TENM3: variants seen among roughly 807,000 people sequenced by gnomAD.
TENM3 encodes the protein teneurin transmembrane protein 3.
A neutral mutation model predicts 255.1 loss-of-function variants in TENM3; 63 were observed. The observed-to-expected ratio is 0.25, with a 90% confidence interval of 0.20 to 0.30. The LOEUF is 0.30. TENM3 is among the 10% of genes least tolerant of loss of function. TENM3 has a pLI of 1.00. For synonymous variants in TENM3, 1,306 were observed against 1,322.3 expected, an observed-to-expected ratio of 0.99 and a Z score of 0.27; for missense variants, 2,929 against 3,461.1, an observed-to-expected ratio of 0.85 and a Z score of 3.86.
At chr4:181,813,902 A>G in the TENM3 span, among the ~76,000 whole-genome samples, 2 of 152,154 alleles carry the variant, frequency 1.3e-5, no homozygotes, top group Admixed American at 6.5e-5. Flanking sequence ...CTGCAAAGGA[A>G]TAGAAAATTA....
chr4:181,952,487 A>C, the TENM3 span, among the ~76,000 whole-genome samples: 1 of 152,226 alleles, frequency 6.6e-6, no homozygotes, highest in Non-Finnish European at 1.5e-5. Context: ...TGTTCCAGAG[A>C]GTGGGCTCTT....
intron 3 of TENM3, among the ~76,000 whole-genome samples, chr4:182,353,357 G>A (rs183442950): frequency 9.9e-5 from 15 of 152,128 alleles, no homozygotes; most frequent in African/African-American, 2.2e-4. Flanking sequence ...GCCCTCTTCC[G>A]GCATGTAATG....
chr4:181,473,541 A>C, the TENM3 span, among the ~76,000 whole-genome samples: 1 of 151,956 alleles, frequency 6.6e-6, no homozygotes, highest in Non-Finnish European at 1.5e-5. Context: ...GCAGTGAGCT[A>C]ATGATTGTCC....
intron 3 of TENM3, among the ~76,000 whole-genome samples, chr4:182,596,327 T>A (rs1581051977): frequency 6.6e-6 from 1 of 152,210 alleles, no homozygotes; most frequent in Non-Finnish European, 1.5e-5. Flanking sequence ...TCTGCCCTTG[T>A]GAGGTCCATA....
chr4:181,532,562 G>T, the TENM3 span, among the ~76,000 whole-genome samples: 24 of 152,154 alleles, frequency 1.6e-4, no homozygotes, highest in Non-Finnish European at 2.2e-4. Flanking sequence ...ACAGGTTCTG[G>T]TTGGAGTTAT....
the TENM3 span, among the ~76,000 whole-genome samples, chr4:181,993,933 C>G: frequency 6.6e-6 from 1 of 152,000 alleles, no homozygotes; most frequent in African/African-American, 2.4e-5. Flanking sequence ...ACTTAGAAGA[C>G]TTAGGGGAAA....
chr4:182,441,437 C>A (rs1352973991), intron 3 of TENM3, among the ~76,000 whole-genome samples: 1 of 152,190 alleles, frequency 6.6e-6, no homozygotes, highest in East Asian at 1.9e-4. Context: ...CTGGATTCTT[C>A]ATTTCCATTG....
At chr4:182,505,402 AT>A (rs962042076) in intron 3 of TENM3, among the ~76,000 whole-genome samples, 8 of 152,130 alleles carry the variant, frequency 5.3e-5, no homozygotes, top group Admixed American at 4.6e-4. Context: ...ATTATTATAC[AT>A]TTTTTTAAAG....
the TENM3 span, among the ~76,000 whole-genome samples, chr4:181,849,323 T>C: frequency 6.6e-6 from 1 of 152,204 alleles, no homozygotes. Flanking sequence ...GGCATCTCAG[T>C]TGGACTGTTA....
At chr4:182,113,801 A>G in the TENM3 span, among the ~76,000 whole-genome samples, 21 of 152,188 alleles carry the variant, frequency 1.4e-4, no homozygotes, top group Non-Finnish European at 2.8e-4. Flanking sequence ...ATTAAGAAAC[A>G]TTCAGAAAAC....
At chr4:182,300,485 C>G (rs2150366025) in intron 1 of TENM3, among the ~76,000 whole-genome samples, 1 of 152,308 alleles carries the variant, frequency 6.6e-6, no homozygotes, top group East Asian at 1.9e-4. Flanking sequence ...ACAGGTCTGA[C>G]AGTCGAGTTA....
At chr4:182,217,516 T>C (rs1256424251) in intron 1 of TENM3, among the ~76,000 whole-genome samples, 1 of 152,276 alleles carries the variant, frequency 6.6e-6, no homozygotes, top group East Asian at 1.9e-4. Context: ...CTGACATGCA[T>C]TGAGCGCTTA....
chr4:182,304,252 G>C (rs2150383320), intron 1 of TENM3, among the ~76,000 whole-genome samples: 1 of 151,416 alleles, frequency 6.6e-6, no homozygotes, highest in Non-Finnish European at 1.5e-5. Context: ...TTGCTCTGTT[G>C]CCCAGGCTGG....
chr4:182,714,988 G>T (rs904094682), intron 13 of TENM3, among the ~76,000 whole-genome samples: 1 of 152,172 alleles, frequency 6.6e-6, no homozygotes, highest in Non-Finnish European at 1.5e-5. Context: ...GGGTTCAAGT[G>T]ATTCTCCTGC....
the TENM3 span, among the ~76,000 whole-genome samples, chr4:181,931,730 C>A: frequency 1.3e-5 from 2 of 152,132 alleles, no homozygotes; most frequent in Non-Finnish European, 2.9e-5. Flanking sequence ...GCAAAAAGAA[C>A]AAAGCTGGAG....
At chr4:181,484,172 T>A in the TENM3 span, among the ~76,000 whole-genome samples, 1 of 152,110 alleles carries the variant, frequency 6.6e-6, no homozygotes, top group East Asian at 1.9e-4. Flanking sequence ...GATTTCATAC[T>A]GTGCTTTAAC....
At chr4:181,763,565 T>G in the TENM3 span, among the ~76,000 whole-genome samples, 1 of 152,224 alleles carries the variant, frequency 6.6e-6, no homozygotes, top group Non-Finnish European at 1.5e-5. Context: ...CTATCATTCA[T>G]AAATAAATTT....
intron 5 of TENM3, among the ~76,000 whole-genome samples, chr4:182,636,686 C>T (rs1751869730): frequency 6.6e-6 from 1 of 150,436 alleles, no homozygotes; most frequent in African/African-American, 2.5e-5. Flanking sequence ...CACCGTACTC[C>T]AGCCTGGGCA....
At chr4:181,531,960 A>G in the TENM3 span, among the ~76,000 whole-genome samples, 1 of 152,230 alleles carries the variant, frequency 6.6e-6, no homozygotes, top group African/African-American at 2.4e-5. Context: ...CTCGCTTCGC[A>G]CAACCATCCC....
Sources: gnomAD v4.1 joint callset for allele counts (sites outside exome capture counted in the v4.1 genomes callset) on GRCh38, gnomAD v4.1.1 for gene constraint, MANE v1.5 for transcripts, NCBI Gene and HGNC (gene_info 2026-07-23, HGNC 2026-07-21) for gene names.